MYO3A: variants seen among roughly 807,000 people sequenced by gnomAD.
MYO3A encodes myosin IIIA.
A neutral mutation model predicts 192.7 loss-of-function variants in MYO3A; 180 were observed. The ratio of observed to expected loss-of-function variants is 0.93; its 90% CI spans 0.83 to 1.06. MYO3A has a LOEUF of 1.06. Among genes scored for constraint, MYO3A ranks in the 50% least tolerant of loss-of-function variants. The pLI, the probability that MYO3A is intolerant of heterozygous loss-of-function variation, is 0.00. For missense variants in MYO3A, 1,896 were observed against 1,905.0 expected, an observed-to-expected ratio of 1.00 and a Z score of 0.09; for synonymous variants, 628 against 645.3, an observed-to-expected ratio of 0.97 and a Z score of 0.41.
intron 34 of MYO3A, among the ~76,000 whole-genome samples, chr10:26,207,783 T>G (rs903338184): frequency 1.3e-5 from 2 of 152,222 alleles, no homozygotes; most frequent in Admixed American, 1.3e-4. Context: ...TATACAAATT[T>G]TAGGATTTTT....
chr10:26,186,245 C>G (rs949297434), intron 31 of MYO3A, among the ~76,000 whole-genome samples: 19 of 151,102 alleles, frequency 1.3e-4, no homozygotes, highest in African/African-American at 4.6e-4. Context: ...TCCTGACATC[C>G]TGTCCATCAG....
intron 10 of MYO3A, among the ~76,000 whole-genome samples, chr10:26,050,634 A>G (rs548861747): frequency 6.6e-6 from 1 of 152,374 alleles, no homozygotes; most frequent in South Asian, 2.1e-4. Flanking sequence ...AGTCTTGCCA[A>G]CACAGATATC....
intron 23 of MYO3A, 56 bp from the exon 24 acceptor site, chr10:26,153,794 T>C: frequency 8.7e-7 from 1 of 1,144,444 alleles, no homozygotes; most frequent in East Asian, 2.4e-5. Flanking sequence ...ATGGGAAAAA[T>C]CATCTAGCCA....
At chr10:26,007,349 C>A (rs1474125029) in intron 6 of MYO3A, among the ~76,000 whole-genome samples, 1 of 150,108 alleles carries the variant, frequency 6.7e-6, no homozygotes, top group Non-Finnish European at 1.5e-5. Context: ...TCTCACCACT[C>A]CTATTCAACA....
At chr10:25,950,331 A>G (rs373277091) in intron 2 of MYO3A, among the ~76,000 whole-genome samples, 3 of 152,332 alleles carry the variant, frequency 2.0e-5, no homozygotes, top group South Asian at 4.1e-4. Context: ...AAGTACAGGC[A>G]TCACTTGTAA....
intron 2 of MYO3A, among the ~76,000 whole-genome samples, chr10:25,948,624 A>T (rs1837013733): frequency 6.6e-6 from 1 of 152,134 alleles, no homozygotes; most frequent in Non-Finnish European, 1.5e-5. Flanking sequence ...TGTCAAATGC[A>T]ATTTACCATA....
At chr10:26,025,496 A>G (rs1842500096) in intron 9 of MYO3A, among the ~76,000 whole-genome samples, 1 of 152,134 alleles carries the variant, frequency 6.6e-6, no homozygotes, top group Non-Finnish European at 1.5e-5. Flanking sequence ...CTATACTTAA[A>G]TATCTCCAAT....
At chr10:26,033,513 T>C (rs911617928) in intron 10 of MYO3A, among the ~76,000 whole-genome samples, 7 of 152,128 alleles carry the variant, frequency 4.6e-5, no homozygotes, top group Admixed American at 2.6e-4. Context: ...ACGATCCCAC[T>C]CAACACCAAT....
rs573013835 is a variant in MYO3A at position 26,016,565 on chromosome 10, A to T, written c.509-255A>T. On this transcript the variant is annotated intron_variant, in intron 6 of 34. Coordinates refer to ENST00000642920, the MANE Select transcript of MYO3A (RefSeq NM_017433.5). ...TAATTGGAGCAGATTAAAAGCCAGC[A>T]TGGGGGAATTAAGACTTGAAATGGG... 2.0e-5 allele frequency among the ~76,000 whole-genome samples: 3 copies of T among 152,316 alleles called. No homozygotes were observed. In the East Asian group the frequency reaches 5.8e-4, roughly 29 times the overall value.
intron 2 of MYO3A, among the ~76,000 whole-genome samples, chr10:25,940,590 T>C (rs1020520207): frequency 5.9e-5 from 9 of 152,152 alleles, no homozygotes; most frequent in Non-Finnish European, 1.2e-4. Context: ...TTGTCATTCT[T>C]GAAACATATC....
In MYO3A at chr10:26,083,238, A is replaced by G. The variant is rs1047627273; in HGVS notation, c.1360-4965A>G. Among the ~76,000 whole-genome samples the G allele has an allele frequency of 7.2e-5, 11 of 152,310 alleles. 4 individuals carry two copies. The highest frequency in any genetic ancestry group is 7.2e-4 in the Admixed American group (11 of 15,306). On this transcript the variant is annotated intron_variant, in intron 14 of 34. Coordinates refer to ENST00000642920, the MANE Select transcript of MYO3A (RefSeq NM_017433.5). Reference sequence around the variant, plus strand: ...AACTGAGAGGGCTACTAAGTTGGGTAACAGGTGGGTAGCATATACAACATG... The same window carrying G: ...AACTGAGAGGGCTACTAAGTTGGGTGACAGGTGGGTAGCATATACAACATG...
At chr10:25,971,082 A>G (rs1239956145) in intron 4 of MYO3A, among the ~76,000 whole-genome samples, 3 of 151,938 alleles carry the variant, frequency 2.0e-5, no homozygotes, top group Non-Finnish European at 1.5e-5. Context: ...ACATTGTATC[A>G]GTAAATAGTA....
In MYO3A at chr10:26,174,103, C is replaced by T. The variant is rs765433827; in HGVS notation, c.3839C>T (p.Ser1280Phe). 9.9e-6 allele frequency: 16 copies of T among 1,614,058 alleles called. No individual in the cohort carries two copies. The highest frequency in any genetic ancestry group is 1.4e-5 in the Non-Finnish European group (16 of 1,179,984). ...CCTTGGTTAGCTGAAAATGAGACTTCCTTTAAAAAAACTTTGGAACCTACA... is the reference window on the plus strand; with the variant it reads ...CCTTGGTTAGCTGAAAATGAGACTTTCTTTAAAAAAACTTTGGAACCTACA... ...PVPWLAENET[S>F]FKKTLEPTLS... is the part of the protein sequence containing the mutation. The change falls in exon 30 of 35, where the codon TCC becomes TTC. Residue 1280 changes from serine to phenylalanine, a missense_variant. Physicochemically the swap from Ser to Phe is radical, Grantham distance 155. Coordinates refer to ENST00000642920, the MANE Select transcript of MYO3A (RefSeq NM_017433.5).
At chr10:25,946,632 C>A (rs1177156851) in intron 2 of MYO3A, among the ~76,000 whole-genome samples, 1 of 151,562 alleles carries the variant, frequency 6.6e-6, no homozygotes, top group Non-Finnish European at 1.5e-5. Flanking sequence ...GTAATCCCAG[C>A]ACTGTGGGAG....
At chr10:26,059,236 G>A (rs552656171) in intron 10 of MYO3A, among the ~76,000 whole-genome samples, 130 of 152,280 alleles carry the variant, frequency 8.5e-4, no homozygotes, top group African/African-American at 3.0e-3. Context: ...GAAAAGGAGT[G>A]TAGAGAGAGA....
At chr10:26,031,453 G>A (rs1380277482) in intron 10 of MYO3A, among the ~76,000 whole-genome samples, 1 of 152,170 alleles carries the variant, frequency 6.6e-6, no homozygotes, top group Non-Finnish European at 1.5e-5. Flanking sequence ...GTTCCATACT[G>A]GACCATCTGA....
At chr10:26,048,961 C>T (rs1354205393) in intron 10 of MYO3A, among the ~76,000 whole-genome samples, 1 of 152,118 alleles carries the variant, frequency 6.6e-6, no homozygotes, top group Non-Finnish European at 1.5e-5. Context: ...AGAGGAGCCA[C>T]AATAGGAGAT....
At chr10:26,023,210 A>G (rs1247631832) in intron 8 of MYO3A, 1 of 152,208 alleles carries the variant, frequency 6.6e-6, no homozygotes, top group Non-Finnish European at 1.5e-5. Flanking sequence ...GCCTGTACAA[A>G]CTGTACATTA....
At chr10:25,973,566 T>C (rs1838792804) in intron 4 of MYO3A, among the ~76,000 whole-genome samples, 1 of 152,172 alleles carries the variant, frequency 6.6e-6, no homozygotes, top group South Asian at 2.1e-4. Context: ...CTGGTTTTCA[T>C]AGGGAATGCT....
Sources: gnomAD v4.1 joint callset for allele counts (sites outside exome capture counted in the v4.1 genomes callset) on GRCh38, gnomAD v4.1.1 for gene constraint, MANE v1.5 for transcripts, NCBI Gene and HGNC (gene_info 2026-07-23, HGNC 2026-07-21) for gene names.